Variants in CA10 observed in about 807,000 individuals in gnomAD.
CA10 encodes carbonic anhydrase-related protein 10.
In CA10, 14 loss-of-function variants were observed where a neutral mutation model predicts 44.2. The observed-to-expected ratio is 0.32, with a 90% CI of 0.21 to 0.50. CA10 has a LOEUF of 0.50. Among genes scored for constraint, CA10 ranks in the 20% least tolerant of loss-of-function variants. CA10 has a pLI of 0.99. For synonymous variants in CA10, 159 were observed against 141.6 expected (o/e 1.12, Z -0.87); for missense variants, 350 against 409.7 (o/e 0.85, Z 1.26).
chr17:51,868,275 A>G (rs1979641382), intron 3 of CA10, among the ~76,000 whole-genome samples: 1 of 152,224 alleles, frequency 6.6e-6, no homozygotes, highest in Non-Finnish European at 1.5e-5. Context: ...TTTTACACAA[A>G]GCACCAGAAT....
intron 3 of CA10, among the ~76,000 whole-genome samples, chr17:51,873,680 C>T (rs1261640551): frequency 6.6e-6 from 1 of 152,210 alleles, no homozygotes; most frequent in Non-Finnish European, 1.5e-5. Context: ...CATGGGTGTG[C>T]TGAGAGGCAA....
At chr17:51,920,973 A>G (rs1416402999) in intron 3 of CA10, among the ~76,000 whole-genome samples, 4 of 152,200 alleles carry the variant, frequency 2.6e-5, no homozygotes, top group Non-Finnish European at 5.9e-5. Flanking sequence ...TCAGAGTACA[A>G]TATACCAAAG....
intron 3 of CA10, among the ~76,000 whole-genome samples, chr17:51,835,505 A>G (rs571247347): frequency 8.5e-5 from 13 of 152,360 alleles, no homozygotes; most frequent in African/African-American, 3.1e-4. Context: ...CTCCTCTGCT[A>G]CATGGTGAGT....
At chr17:52,019,990 G>T (rs1179609062) in intron 2 of CA10, among the ~76,000 whole-genome samples, 1 of 151,634 alleles carries the variant, frequency 6.6e-6, no homozygotes, top group East Asian at 1.9e-4. Context: ...CAGTTGTTGA[G>T]AATTGTTACA....
chr17:51,959,905 A>T (rs1442052217), intron 2 of CA10, among the ~76,000 whole-genome samples: 1 of 151,868 alleles, frequency 6.6e-6, no homozygotes. Context: ...GGCAATCCCA[A>T]ATTACTAAAA....
chr17:52,145,973 A>C (rs1989574129), intron 1 of CA10, among the ~76,000 whole-genome samples: 1 of 152,204 alleles, frequency 6.6e-6, no homozygotes, highest in African/African-American at 2.4e-5. Flanking sequence ...AACAACATAT[A>C]TGCTTAAAAA....
chr17:51,738,588 C>T (rs974032709), intron 4 of CA10, among the ~76,000 whole-genome samples: 1 of 152,194 alleles, frequency 6.6e-6, no homozygotes, highest in Non-Finnish European at 1.5e-5. Context: ...CTCGCTCTCA[C>T]ATTGGTGGTC....
intron 3 of CA10, among the ~76,000 whole-genome samples, chr17:51,872,247 A>G (rs1979853172): frequency 6.6e-6 from 1 of 152,228 alleles, no homozygotes; most frequent in African/African-American, 2.4e-5. Flanking sequence ...TTTATTCCAC[A>G]GAGTGACTTG....
intron 4 of CA10, among the ~76,000 whole-genome samples, chr17:51,672,826 C>T (rs765206031): frequency 1.3e-5 from 2 of 152,198 alleles, no homozygotes; most frequent in Non-Finnish European, 2.9e-5. Flanking sequence ...CAGCCCAGAT[C>T]CCTCACCCTG....
intron 4 of CA10, among the ~76,000 whole-genome samples, chr17:51,746,411 C>A (rs1904690910): frequency 6.6e-6 from 1 of 152,236 alleles, no homozygotes; most frequent in African/African-American, 2.4e-5. Context: ...CAAAGCAAGA[C>A]TACAAAACTC....
Position 51,653,626 on chromosome 17 carries a change from A to C in CA10, c.561+15T>G. On this transcript the variant is annotated intron_variant, in intron 5 of 8. Coordinates refer to ENST00000451037, the MANE Select transcript of CA10 (RefSeq NM_020178.5). The stretch of plus-strand genomic sequence containing the variant: ...TGGGGATGGTGAGAAGAATGAAGGA[A>C]TGCAAGAGACTTACTTTTATAAATA... 7.5e-7 allele frequency: 1 copy of C among 1,329,842 alleles called. No homozygotes were observed. The highest frequency in any genetic ancestry group is 1.1e-6 in the Non-Finnish European group (1 of 920,648). 82.4% of individuals were successfully genotyped at this position (1,329,842 alleles called of 1,614,324 possible).
In CA10 at chr17:51,655,957, A is replaced by T. The variant is rs1415364789; in HGVS notation, c.466-2221T>A. Among the ~76,000 whole-genome samples the T allele has an allele frequency of 2.0e-5, 3 of 152,170 alleles. No individual in the cohort carries two copies. In the East Asian group the frequency reaches 5.8e-4, roughly 29 times the overall value. On this transcript the variant is annotated intron_variant, in intron 4 of 8. Coordinates refer to ENST00000451037, the MANE Select transcript of CA10 (RefSeq NM_020178.5). Reference sequence around the variant, plus strand: ...TTGCTCTGCCTCCGCAGGACTTTTAATCCCCCCTCCCTTGTACCCCCACAC... The same window carrying T: ...TTGCTCTGCCTCCGCAGGACTTTTATTCCCCCCTCCCTTGTACCCCCACAC...
intron 2 of CA10, among the ~76,000 whole-genome samples, chr17:52,017,178 T>C (rs2874039): frequency 0.62 from 94,456 of 152,048 alleles, 30,094 homozygotes; most frequent in African/African-American, 0.71. Flanking sequence ...AGAAAATTCA[T>C]ACTGTGGTAT....
chr17:51,989,262 A>G (rs1984955876), intron 2 of CA10, among the ~76,000 whole-genome samples: 1 of 151,518 alleles, frequency 6.6e-6, no homozygotes, highest in South Asian at 2.1e-4. Flanking sequence ...TTCATCACCC[A>G]GGTATTAAGC....
Position 51,889,987 on chromosome 17 carries a change from C to T in CA10, c.279+41003G>A, listed in dbSNP as rs114612271. Among the ~76,000 whole-genome samples the T allele has an allele frequency of 6.7e-3, 1,022 of 152,134 alleles. 10 individuals carry two copies. Among genetic ancestry groups the T allele is most frequent in the African/African-American group, 0.023 (965 of 41,518 alleles). On this transcript the variant is annotated intron_variant, in intron 3 of 8. Transcript: ENST00000451037. ...CAGTCCTGGGGAAGTAGGTTGGCAC[C>T]GATGAACCCTTTACATTGATTATCT...
intron 2 of CA10, among the ~76,000 whole-genome samples, chr17:52,009,983 A>G (rs1306995692): frequency 1.3e-5 from 2 of 152,080 alleles, no homozygotes; most frequent in African/African-American, 4.8e-5. Flanking sequence ...TAAATGGCCA[A>G]GAAGCATATG....
At chr17:52,074,519 C>A (rs1987766379) in intron 1 of CA10, among the ~76,000 whole-genome samples, 1 of 152,150 alleles carries the variant, frequency 6.6e-6, no homozygotes, top group Non-Finnish European at 1.5e-5. Context: ...ATAAATCCAG[C>A]CTTCTCTCTT....
At chr17:52,039,904 A>G (rs1986721824) in intron 2 of CA10, among the ~76,000 whole-genome samples, 1 of 152,050 alleles carries the variant, frequency 6.6e-6, no homozygotes, top group Non-Finnish European at 1.5e-5. Flanking sequence ...AGTACATTCT[A>G]TGTTATTCAG....
intron 4 of CA10, among the ~76,000 whole-genome samples, chr17:51,700,750 G>A (rs901440643): frequency 1.3e-5 from 2 of 152,080 alleles, no homozygotes; most frequent in East Asian, 1.9e-4. Context: ...CTGGGCTGTC[G>A]GAACACCACA....
Sources: allele counts gnomAD v4.1 joint callset (sites outside exome capture counted in the v4.1 genomes callset), GRCh38; gene constraint gnomAD v4.1.1; transcripts MANE v1.5; gene names NCBI Gene and HGNC (gene_info 2026-07-23, HGNC 2026-07-21).